Variants in ARHGEF16 observed in about 807,000 individuals in gnomAD.
ARHGEF16 encodes Rho guanine exchange factor (GEF) 16.
ARHGEF16 carries 59 observed loss-of-function variants against 74.1 expected under a neutral mutation model. That is an observed-to-expected ratio of 0.80 (90% confidence interval 0.65 to 0.99). The LOEUF (loss-of-function observed/expected upper bound fraction) is 0.99. Among genes scored for constraint, ARHGEF16 ranks in the 50% least tolerant of loss-of-function variants. The probability of loss-of-function intolerance (pLI) is 0.00; values close to 1 mark genes in which losing one functional copy is unlikely to be tolerated. For missense variants in ARHGEF16, 948 were observed against 986.6 expected (o/e 0.96, Z 0.52); for synonymous variants, 415 against 412.6 (o/e 1.01, Z -0.07).
intron 4 of ARHGEF16, among the ~76,000 whole-genome samples, chr1:3,467,673 A>G (rs1247408692): frequency 6.6e-6 from 1 of 152,066 alleles, no homozygotes; most frequent in African/African-American, 2.4e-5. Flanking sequence ...GCGTAGGGAG[A>G]CAGCTGGGAT....
chr1:3,474,575 G>T (rs1639829506), intron 8 of ARHGEF16, 133 bp from the exon 9 acceptor site: 1 of 771,076 alleles, frequency 1.3e-6, no homozygotes, highest in Non-Finnish European at 2.2e-6. Flanking sequence ...TACGTGCTGT[G>T]GGGCCCTGCA....
At chr1:3,475,712 A>G (rs1365410510) in intron 9 of ARHGEF16, among the ~76,000 whole-genome samples, 16 of 131,076 alleles carry the variant, frequency 1.2e-4, no homozygotes, top group South Asian at 2.8e-4. Flanking sequence ...GGCCTTTCAC[A>G]GCGCTGACAG....
At position 3,464,800 on chromosome 1, in the gene ARHGEF16, G is replaced by A. The variant is rs140307349; in HGVS notation, c.588+1128G>A. Among the ~76,000 whole-genome samples the A allele has an allele frequency of 1.3e-3, 194 of 152,326 alleles. 5 individuals carry two copies. In the East Asian group the frequency reaches 0.026, roughly 21 times the overall value. On this transcript the variant is annotated intron_variant, in intron 2 of 14. Coordinates refer to ENST00000378378, the MANE Select transcript of ARHGEF16 (RefSeq NM_014448.4). ...TGGGCAGTGTCCACGGAAGGTGTGT[G>A]CCAGAGCGTCTTCTTCACTGGTTGC... is the stretch of plus-strand genomic sequence containing the variant.
rs894253097 is a variant in ARHGEF16 at position 3,463,077 on chromosome 1, C to T, written c.-8C>T. ...TGCCCTTCCCCCAGGACCCCACAGCCGCCCAGCATGGCCCAGCGGCACTCA... is the reference window on the plus strand; with the variant it reads ...TGCCCTTCCCCCAGGACCCCACAGCTGCCCAGCATGGCCCAGCGGCACTCA... On this transcript the variant is annotated 5_prime_UTR_variant, in exon 2 of 15. Transcript: ENST00000378378. The T allele has an allele frequency of 2.1e-5, 30 of 1,447,414 alleles. No homozygotes were observed. The highest frequency in any genetic ancestry group is 2.0e-4 in the Admixed American group (7 of 35,376). 89.7% of individuals were successfully genotyped at this position (1,447,414 alleles called of 1,614,324 possible).
rs774903459 is a variant in ARHGEF16 at position 3,467,273 on chromosome 1, T to C, written c.740T>C (p.Val247Ala). The C allele has an allele frequency of 1.7e-5, 26 of 1,550,168 alleles. No homozygotes were observed. The South Asian group carries it at 3.1e-4, about 18-fold the overall frequency. Residue 247 changes from valine (V) to alanine (A), a missense_variant, in exon 4 of 15, where the codon GTG becomes GCG. By Grantham distance (64) the Val-to-Ala change is moderately conservative. Coordinates refer to ENST00000378378, the MANE Select transcript of ARHGEF16 (RefSeq NM_014448.4). The part of the protein sequence containing the change: ...ESSSPEGTQK[V>A]DATIVVKSYR... ...TCCAGCCCCGAGGGAACCCAGAAGG[T>C]GGACGCCACCATTGTGGTCAAGAGC...
intron 4 of ARHGEF16, among the ~76,000 whole-genome samples, chr1:3,468,206 G>A (rs1639602497): frequency 6.6e-6 from 1 of 152,194 alleles, no homozygotes; most frequent in Non-Finnish European, 1.5e-5. Context: ...ACCCTGCATG[G>A]GAAGGAGGCA....
chr1:3,474,698 G>T lies in ARHGEF16; in HGVS notation c.1306-10G>T. On this transcript the variant is annotated splice_polypyrimidine_tract_variant and intron_variant, in intron 8 of 14. Coordinates refer to ENST00000378378, the MANE Select transcript of ARHGEF16 (RefSeq NM_014448.4). ...GGGGACTTTCTGTCCCATGTCTGTT[G>T]TCCATCCAGACGCTCTGCCTCAAGA... 6.2e-7 allele frequency: 1 copy of T among 1,612,172 alleles called. No individual in the cohort carries two copies. The highest frequency in any genetic ancestry group is 8.5e-7 in the Non-Finnish European group (1 of 1,179,348).
At chr1:3,474,216 C>T (rs1200200512) in intron 8 of ARHGEF16, 1 of 203,232 alleles carries the variant, frequency 4.9e-6, no homozygotes, top group Non-Finnish European at 1.0e-5. Flanking sequence ...CCGGTGCACA[C>T]ACATACACGT....
At chr1:3,468,630 T>C (rs931691155) in intron 4 of ARHGEF16, 65 of 537,998 alleles carry the variant, frequency 1.2e-4, no homozygotes, top group Non-Finnish European at 2.0e-4. Context: ...CCCCATGCTC[T>C]TTCTGGGCTG....
Position 3,467,224 on chromosome 1 carries a change from G to A in ARHGEF16, c.691G>A (p.Asp231Asn). ...GGGCCTGAACACCAGCCAGGAGTCTGATGACGACATCCTCGATGAGTCCTC... is the reference window on the plus strand; with the variant it reads ...GGGCCTGAACACCAGCCAGGAGTCTAATGACGACATCCTCGATGAGTCCTC... The part of the protein sequence containing the change: ...ERGLNTSQES[D>N]DDILDESSSP... Residue 231 changes from aspartate to asparagine, a missense_variant, in exon 4 of 15, where the codon GAT (aspartate) becomes AAT (asparagine). Physicochemically the swap from Asp to Asn is conservative, Grantham distance 23. Transcript: ENST00000378378. The A allele has an allele frequency of 6.4e-7, 1 of 1,550,624 alleles. No individual in the cohort carries two copies. Among genetic ancestry groups the A allele is most frequent in the Non-Finnish European group, 8.7e-7 (1 of 1,146,892 alleles).
intron 3 of ARHGEF16, 75 bp downstream of exon 3, chr1:3,466,268 G>A (rs1483340311): frequency 2.0e-5 from 29 of 1,465,376 alleles, no homozygotes; most frequent in Admixed American, 1.3e-4. Flanking sequence ...CCTGGGGTTC[G>A]GGTGGGCCTC....
intron 12 of ARHGEF16, 58 bp downstream of exon 12, chr1:3,478,670 A>T (rs1364009570): frequency 1.7e-5 from 26 of 1,520,852 alleles, no homozygotes; most frequent in Non-Finnish European, 1.9e-5. Context: ...CTCCATGGGG[A>T]CCGGGTTGTC....
chr1:3,456,333 C>G (rs546594557), intron 1 of ARHGEF16, among the ~76,000 whole-genome samples: 1 of 152,218 alleles, frequency 6.6e-6, no homozygotes, highest in Non-Finnish European at 1.5e-5. Flanking sequence ...TCTGTGTTCA[C>G]GTTGTGATCC....
At chr1:3,476,852 C>T (rs890660493) in intron 10 of ARHGEF16, among the ~76,000 whole-genome samples, 6 of 144,294 alleles carry the variant, frequency 4.2e-5, no homozygotes, top group African/African-American at 1.5e-4. Context: ...TGGGTCAGGG[C>T]GGGCTGCCTG....
chr1:3,478,820 C>G (rs1000114696), intron 12 of ARHGEF16, among the ~76,000 whole-genome samples: 7 of 152,234 alleles, frequency 4.6e-5, no homozygotes, highest in South Asian at 2.1e-4. Flanking sequence ...AGGGGACGCA[C>G]CAACAGTTGG....
At position 3,467,165 on chromosome 1, in the gene ARHGEF16, T is replaced by C; in HGVS notation, c.635-3T>C. The C allele has an allele frequency of 6.5e-7, 1 of 1,550,208 alleles. No individual in the cohort carries two copies. Among genetic ancestry groups the C allele is most frequent in the Non-Finnish European group, 8.7e-7 (1 of 1,146,576 alleles). On this transcript the variant is annotated splice_region_variant and splice_polypyrimidine_tract_variant and intron_variant, in intron 3 of 14. Coordinates refer to ENST00000378378, the MANE Select transcript of ARHGEF16 (RefSeq NM_014448.4). ...CCACAGGTTACCCTCCTTCTCTCTC[T>C]AGACCCCCAGCTCTACCAGGAGATC...
At chr1:3,465,987 T>C (rs1639531903) in intron 2 of ARHGEF16, 161 bp from the exon 3 acceptor site, 2 of 719,884 alleles carry the variant, frequency 2.8e-6, no homozygotes, top group Non-Finnish European at 4.7e-6. Flanking sequence ...CCACCTCTCT[T>C]GGCCTCTGCT....
At chr1:3,474,961 G>A (rs1401178564) in intron 9 of ARHGEF16, among the ~76,000 whole-genome samples, 179 bp downstream of exon 9, 1 of 151,972 alleles carries the variant, frequency 6.6e-6, no homozygotes, top group African/African-American at 2.4e-5. Context: ...AGGCCCAGAG[G>A]TTCCCAGATT....
At position 3,473,533 on chromosome 1, in the gene ARHGEF16, G is replaced by T. The variant is rs1438225464; in HGVS notation, c.1305+11G>T. ...CCCCTCCTGATGGATGTAAGTCCAC[G>T]GCCTGAGGGTGGGGCCGGGCATACC... is the stretch of plus-strand genomic sequence containing the variant. On this transcript the variant is annotated intron_variant, in intron 8 of 14. Coordinates refer to ENST00000378378, the MANE Select transcript of ARHGEF16 (RefSeq NM_014448.4). 6.2e-7 allele frequency: 1 copy of T among 1,605,292 alleles called. No individual in the cohort carries two copies. The highest frequency in any genetic ancestry group is 8.5e-7 in the Non-Finnish European group (1 of 1,179,972).
Sources: gnomAD v4.1 joint callset for allele counts (sites outside exome capture counted in the v4.1 genomes callset) on GRCh38, gnomAD v4.1.1 for gene constraint, MANE v1.5 for transcripts, NCBI Gene and HGNC (gene_info 2026-07-23, HGNC 2026-07-21) for gene names.